Variants in ANKS1B observed in about 807,000 individuals in gnomAD.
The protein encoded by ANKS1B is ankyrin repeat and sterile alpha motif domain containing 1B.
In ANKS1B, 36 loss-of-function variants were observed where a neutral mutation model predicts 148.3. The observed-to-expected ratio is 0.24, with a 90% CI of 0.19 to 0.32. The LOEUF is 0.32. Ranked by LOEUF, ANKS1B falls within the 10% of genes least tolerant of loss-of-function variation. The probability of loss-of-function intolerance (pLI) is 1.00; values close to 1 mark genes in which losing one functional copy is unlikely to be tolerated. For missense variants in ANKS1B, 1,157 were observed against 1,542.6 expected, an observed-to-expected ratio of 0.75 and a Z score of 4.19; for synonymous variants, 542 against 560.8, an observed-to-expected ratio of 0.97 and a Z score of 0.47.
Position 98,792,982 on chromosome 12 carries a change from A to C in ANKS1B, c.3342+5952T>G, listed in dbSNP as rs1047301282. On this transcript the variant is annotated intron_variant, in intron 22 of 26. Transcript: ENST00000683438. The stretch of plus-strand genomic sequence containing the variant: ...TTCATTTCCTTTGGATATATACCCA[A>C]TAGTGGGATTGCTGGATAATATAGT... Among the ~76,000 whole-genome samples the C allele has an allele frequency of 6.6e-5, 10 of 152,290 alleles. No individual in the cohort carries two copies. In the South Asian group the frequency reaches 1.7e-3, roughly 25 times the overall value.
At chr12:99,051,834 A>G (rs2099966276) in intron 17 of ANKS1B, among the ~76,000 whole-genome samples, 1 of 152,248 alleles carries the variant, frequency 6.6e-6, no homozygotes. Context: ...TTATTTTTTC[A>G]GAAAGACTTT....
chr12:99,669,326 A>G (rs1396736287), intron 8 of ANKS1B, among the ~76,000 whole-genome samples: 3 of 152,142 alleles, frequency 2.0e-5, no homozygotes, highest in African/African-American at 2.4e-5. Context: ...ATGTCCCACC[A>G]CACTTGGCTC....
intron 17 of ANKS1B, among the ~76,000 whole-genome samples, chr12:98,909,398 C>G (rs1447702683): frequency 6.6e-6 from 1 of 152,164 alleles, no homozygotes; most frequent in Non-Finnish European, 1.5e-5. Context: ...ACATGAGGCT[C>G]AGAGAGGCTA....
At chr12:99,451,931 T>C (rs188275565) in intron 10 of ANKS1B, among the ~76,000 whole-genome samples, 130 of 152,290 alleles carry the variant, frequency 8.5e-4, no homozygotes, top group Non-Finnish European at 1.5e-3. Flanking sequence ...GGTGGCTTGA[T>C]GCCTTATTAT....
intron 10 of ANKS1B, among the ~76,000 whole-genome samples, chr12:99,478,270 T>C (rs549456497): frequency 1.1e-3 from 171 of 152,282 alleles, no homozygotes; most frequent in South Asian, 1.9e-3. Context: ...TTGTAAATTA[T>C]GCAAAAGTAA....
chr12:99,911,320 G>C (rs2093998974), intron 1 of ANKS1B, among the ~76,000 whole-genome samples: 1 of 152,124 alleles, frequency 6.6e-6, no homozygotes, highest in African/African-American at 2.4e-5. Context: ...ACCGCAGTCT[G>C]AGTCATGATA....
intron 12 of ANKS1B, among the ~76,000 whole-genome samples, chr12:99,390,155 C>T (rs2094008864): frequency 1.3e-5 from 2 of 152,152 alleles, no homozygotes; most frequent in African/African-American, 4.8e-5. Flanking sequence ...ATGTATTAAG[C>T]ATTTATGAAG....
At chr12:98,837,769 G>A (rs2153712565) in intron 17 of ANKS1B, among the ~76,000 whole-genome samples, 1 of 151,932 alleles carries the variant, frequency 6.6e-6, no homozygotes, top group East Asian at 1.9e-4. Context: ...AAAATTTAAT[G>A]TGATATAAAA....
In ANKS1B at chr12:99,806,310, A is replaced by G. The variant is rs543727315; in HGVS notation, c.669+94T>C. The G allele has an allele frequency of 1.4e-5, 21 of 1,464,226 alleles. No homozygotes were observed. In the African/African-American group the frequency reaches 2.6e-4, roughly 18 times the overall value. 90.7% of individuals were successfully genotyped at this position (1,464,226 alleles called of 1,614,324 possible). Reference sequence around the variant, plus strand: ...TACAAAAGTACTTGTGAACAATTTGATTAAAAGATTTCTACATACAGGTTT... The same window carrying G: ...TACAAAAGTACTTGTGAACAATTTGGTTAAAAGATTTCTACATACAGGTTT... On this transcript the variant is annotated intron_variant, in intron 4 of 26. Transcript: ENST00000683438.
At chr12:99,159,047 G>A (rs764140646) in intron 14 of ANKS1B, among the ~76,000 whole-genome samples, 6 of 152,020 alleles carry the variant, frequency 3.9e-5, no homozygotes, top group East Asian at 1.9e-4. Context: ...CACTGCCCTC[G>A]ACTGCTTACA....
chr12:98,836,622 G>T (rs549419621), intron 17 of ANKS1B, among the ~76,000 whole-genome samples: 176 of 152,312 alleles, frequency 1.2e-3, no homozygotes, highest in African/African-American at 3.8e-3. Flanking sequence ...TTCCTGAGTA[G>T]TGGAATCCTA....
chr12:99,137,227 A>C (rs1414617925), intron 15 of ANKS1B, among the ~76,000 whole-genome samples: 2 of 152,206 alleles, frequency 1.3e-5, no homozygotes, highest in East Asian at 3.9e-4. Flanking sequence ...CTTCTGAATT[A>C]GTATCAATAA....
At chr12:99,972,725 T>C (rs2095575055) in intron 1 of ANKS1B, among the ~76,000 whole-genome samples, 1 of 152,194 alleles carries the variant, frequency 6.6e-6, no homozygotes, top group Non-Finnish European at 1.5e-5. Context: ...TAAAGGTGAC[T>C]ACACTAAACA....
intron 1 of ANKS1B, among the ~76,000 whole-genome samples, chr12:99,918,723 TTAAAA>T (rs2094251986): frequency 6.6e-6 from 1 of 152,222 alleles, no homozygotes. Context: ...ACCTCTATAA[TTAAAA>T]TAAAGTTCAA....
intron 17 of ANKS1B, among the ~76,000 whole-genome samples, chr12:98,930,864 T>C (rs1388503425): frequency 6.6e-6 from 1 of 152,114 alleles, no homozygotes; most frequent in Non-Finnish European, 1.5e-5. Flanking sequence ...GAATTGTACA[T>C]ATTAAAGGAG....
intron 15 of ANKS1B, among the ~76,000 whole-genome samples, chr12:99,140,292 A>G (rs1227284290): frequency 2.6e-5 from 4 of 152,172 alleles, no homozygotes. Flanking sequence ...TGTGGTGAGT[A>G]AGAGTAAATT....
At chr12:99,396,854 CA>C (rs2094261418) in intron 12 of ANKS1B, among the ~76,000 whole-genome samples, 1 of 152,078 alleles carries the variant, frequency 6.6e-6, no homozygotes, top group African/African-American at 2.4e-5. Context: ...CGATCATCCC[CA>C]AAACAATGTA....
chr12:99,984,343 A>C lies in ANKS1B; in HGVS notation c.-106T>G. 1 of 1,055,948 alleles carries C rather than the reference A, an allele frequency of 9.5e-7. No homozygotes were observed. Among genetic ancestry groups the C allele is most frequent in the South Asian group, 1.7e-5 (1 of 60,318 alleles). 65.4% of individuals were successfully genotyped at this position (1,055,948 alleles called of 1,614,324 possible). On this transcript the variant is annotated 5_prime_UTR_variant, in exon 1 of 27. The change creates a new upstream start codon in the 5' untranslated region. Coordinates refer to ENST00000683438, the MANE Select transcript of ANKS1B (RefSeq NM_001352186.2). ...GGCCCTCTTCGCCCCACCCTAAAAT[A>C]ATGCAAGAGCTTCAGCACGGAGAGC...
At chr12:99,218,720 T>A (rs529834590) in intron 14 of ANKS1B, among the ~76,000 whole-genome samples, 2 of 152,222 alleles carry the variant, frequency 1.3e-5, no homozygotes, top group Non-Finnish European at 2.9e-5. Context: ...CTCCATTTCA[T>A]GGTCTGTAAA....
Sources: gnomAD v4.1 joint callset for allele counts (sites outside exome capture counted in the v4.1 genomes callset) on GRCh38, gnomAD v4.1.1 for gene constraint, MANE v1.5 for transcripts, NCBI Gene and HGNC (gene_info 2026-07-23, HGNC 2026-07-21) for gene names.